Variants in OCM2 observed in about 807,000 individuals in gnomAD.
The protein encoded by OCM2 is oncomodulin 2, also known as oncomodulin-2.
A neutral mutation model predicts 13.6 loss-of-function variants in OCM2; 6 were observed. The ratio of observed to expected loss-of-function variants is 0.44; its 90% CI spans 0.24 to 0.87. The LOEUF is 0.87. Among genes scored for constraint, OCM2 ranks in the 40% least tolerant of loss-of-function variants. The pLI, the probability that OCM2 is intolerant of heterozygous loss-of-function variation, is 0.22. For missense variants in OCM2, 118 were observed against 136.8 expected (o/e 0.86, Z 0.68); for synonymous variants, 40 against 50.7 (o/e 0.79, Z 0.90).
intron 2 of OCM2, 68 bp downstream of exon 2, chr7:97,988,348 T>A: frequency 6.3e-7 from 1 of 1,595,270 alleles, no homozygotes; most frequent in Non-Finnish European, 8.6e-7. Flanking sequence ...CTGAGCAACC[T>A]GGCCCCCACT....
intron 2 of OCM2, among the ~76,000 whole-genome samples, chr7:97,987,894 A>G (rs1039349683): frequency 6.6e-5 from 10 of 152,034 alleles, no homozygotes; most frequent in Non-Finnish European, 1.5e-4. Context: ...AATCCCTTAC[A>G]TGAAAGAATC....
At chr7:97,988,360 C>T in intron 2 of OCM2, 56 bp downstream of exon 2, 1 of 1,606,636 alleles carries the variant, frequency 6.2e-7, no homozygotes, top group Non-Finnish European at 8.5e-7. Flanking sequence ...GCCCCCACTG[C>T]ACCCCAGGCC....
In OCM2 at chr7:97,986,984, C is replaced by G. The variant is rs1206163355; in HGVS notation, c.304+63G>C. 172 of 1,607,474 alleles carry G rather than the reference C, an allele frequency of 1.1e-4. 1 individual carries two copies. Among genetic ancestry groups the G allele is most frequent in the Non-Finnish European group, 1.4e-4 (161 of 1,175,524 alleles). ...AGCCACATTGGTTTGATCTCACAGC[C>G]CAACCCCTCACGGATGCTTCCTGAG... On this transcript the variant is annotated intron_variant, in intron 3 of 3. Transcript: ENST00000257627.
intron 3 of OCM2, 83 bp from the exon 4 acceptor site, chr7:97,985,066 G>A (rs1435460389): frequency 6.3e-7 from 1 of 1,592,178 alleles, no homozygotes; most frequent in Non-Finnish European, 8.6e-7. Context: ...GAATTCCAAA[G>A]AGGGAAGGAA....
At chr7:97,985,785 T>A (rs1456398212) in intron 3 of OCM2, among the ~76,000 whole-genome samples, 1 of 152,220 alleles carries the variant, frequency 6.6e-6, no homozygotes, top group Non-Finnish European at 1.5e-5. Flanking sequence ...AAGTTTCTGT[T>A]ACTAAAAGAA....
At chr7:97,985,877 CTTTG>C (rs772680244) in intron 3 of OCM2, among the ~76,000 whole-genome samples, 11 of 151,768 alleles carry the variant, frequency 7.2e-5, no homozygotes, top group Non-Finnish European at 1.5e-4. Context: ...TATTGGTAAG[CTTTG>C]TTTATTTGGA....
At position 97,988,369 on chromosome 7, in the gene OCM2, C is replaced by A. The variant is rs1794692930; in HGVS notation, c.194+47G>T. On this transcript the variant is annotated intron_variant, in intron 2 of 3. Coordinates refer to ENST00000257627, the Ensembl canonical transcript of OCM2. ...AACCTGGCCCCCACTGCACCCCAGGCCCACCCAGCAGTGCCAGGTACCAGA... is the reference window on the plus strand; with the variant it reads ...AACCTGGCCCCCACTGCACCCCAGGACCACCCAGCAGTGCCAGGTACCAGA... 3 of 1,610,302 alleles carry A rather than the reference C, an allele frequency of 1.9e-6. No individual in the cohort carries two copies. The Admixed American group carries it at 5.0e-5, about 27-fold the overall frequency.
At chr7:97,990,016 T>TGGGCCC in intron 1 of OCM2, 28 bp downstream of exon 1, 1 of 1,083,836 alleles carries the variant, frequency 9.2e-7, no homozygotes. Flanking sequence ...TGTGAGGAAA[T>TGGGCCC]CCCACCCCCG....
chr7:97,988,426 C>T (rs767174663), exon 2 of OCM2: 1 of 1,614,222 alleles, frequency 6.2e-7, no homozygotes, highest in East Asian at 2.2e-5. Context: ...TTAAGCTCTT[C>T]TTCATCCAGA....
exon 2 of OCM2, chr7:97,988,524 T>G (rs1794695539): frequency 6.2e-7 from 1 of 1,614,054 alleles, no homozygotes; most frequent in African/African-American, 1.3e-5. Flanking sequence ...CTGGAAGAAT[T>G]TTTGGGGTTC....
At chr7:97,989,666 C>T (rs1357972337) in intron 1 of OCM2, among the ~76,000 whole-genome samples, 2 of 150,652 alleles carry the variant, frequency 1.3e-5, no homozygotes, top group Non-Finnish European at 3.0e-5. Flanking sequence ...CCTTGGCCTC[C>T]GAAAAGTGTT....
Position 97,984,900 on chromosome 7 carries a change from C to T in OCM2, c.*58G>A, listed in dbSNP as rs945089663. ...GATGTGGGGTTCCCCATTCCCAGGG[C>T]TTTGGAATCCTTCCAGGTGATTATC... On this transcript the variant is annotated 3_prime_UTR_variant, in exon 4 of 4. Transcript: ENST00000257627. 3.3e-6 allele frequency: 5 copies of T among 1,517,686 alleles called. No individual in the cohort carries two copies. In the African/African-American group the frequency reaches 6.9e-5, roughly 21 times the overall value. The allele number at this position is 1,517,686 out of a possible 1,614,324, so 94.0% of individuals were successfully genotyped here. A position where few individuals can be genotyped will look rare whatever the true frequency, so the allele number is the denominator to read the frequency against.
intron 1 of OCM2, among the ~76,000 whole-genome samples, chr7:97,988,815 C>G (rs771212893): frequency 6.6e-6 from 1 of 152,070 alleles, no homozygotes; most frequent in African/African-American, 2.4e-5. Context: ...TCCCCCTCCC[C>G]CTGGCCCACT....
rs1794715580 is a variant in OCM2, at chr7:97,989,970, T to C, written c.61+74A>G. 4 of 1,509,056 alleles carry C rather than the reference T, an allele frequency of 2.7e-6. No homozygotes were observed. In the South Asian group the frequency reaches 4.5e-5, roughly 17 times the overall value. 93.5% of individuals were successfully genotyped at this position (1,509,056 alleles called of 1,614,324 possible). A position where few individuals can be genotyped will look rare whatever the true frequency, so the allele number is the denominator to read the frequency against. Reference sequence around the variant, plus strand: ...ACTGCGTCTGGCCGCCTGGCCTACATTTTGATTTTGTGTTGCCTCGCTGGA... The same window carrying C: ...ACTGCGTCTGGCCGCCTGGCCTACACTTTGATTTTGTGTTGCCTCGCTGGA... On this transcript the variant is annotated intron_variant, in intron 1 of 3. Coordinates refer to ENST00000257627, the Ensembl canonical transcript of OCM2.
chr7:97,989,334 A>T, intron 1 of OCM2, among the ~76,000 whole-genome samples: 1 of 151,994 alleles, frequency 6.6e-6, no homozygotes, highest in Non-Finnish European at 1.5e-5. Context: ...TATCTAATAA[A>T]TAGTAGTTTT....
chr7:97,986,929 G>T (rs954989215), intron 3 of OCM2, 118 bp downstream of exon 3: 1 of 1,490,898 alleles, frequency 6.7e-7, no homozygotes, highest in African/African-American at 1.4e-5. Context: ...GAAGACTGAG[G>T]CTCGGTAAGG....
Sources: gnomAD v4.1 joint callset for allele counts (sites outside exome capture counted in the v4.1 genomes callset) on GRCh38, gnomAD v4.1.1 for gene constraint, MANE v1.5 for transcripts, NCBI Gene and HGNC (gene_info 2026-07-23, HGNC 2026-07-21) for gene names.